Variants in LRRC4C observed in about 807,000 individuals in gnomAD.
LRRC4C encodes leucine rich repeat containing 4C.
Under a neutral mutation model 33.6 loss-of-function variants are expected in LRRC4C, and 5 were observed. That is an observed-to-expected ratio of 0.15 (90% CI 0.08 to 0.31). The LOEUF (loss-of-function observed/expected upper bound fraction) is 0.31, where lower values mean the gene tolerates loss of function less well. Among genes scored for constraint, LRRC4C ranks in the 10% least tolerant of loss-of-function variants. LRRC4C has a pLI of 1.00. For missense variants in LRRC4C, 560 were observed against 796.7 expected (o/e 0.70, Z 3.58); for synonymous variants, 329 against 302.0 (o/e 1.09, Z -0.93).
intron 1 of LRRC4C, among the ~76,000 whole-genome samples, chr11:41,178,338 T>C (rs990960801): frequency 6.6e-6 from 1 of 152,132 alleles, no homozygotes; most frequent in Admixed American, 6.5e-5. Flanking sequence ...TCCATGGGAT[T>C]TATGCCACAC....
intron 5 of LRRC4C, among the ~76,000 whole-genome samples, chr11:40,198,647 A>G (rs1201921288): frequency 6.6e-6 from 1 of 152,238 alleles, no homozygotes; most frequent in Non-Finnish European, 1.5e-5. Flanking sequence ...TATTTAGCAT[A>G]GGCACCCATC....
intron 5 of LRRC4C, among the ~76,000 whole-genome samples, chr11:40,215,187 T>C (rs1049967385): frequency 1.3e-5 from 2 of 152,218 alleles, no homozygotes. Context: ...CAAAAAATAC[T>C]TTCACAGTCT....
At chr11:40,756,686 G>A (rs1361143046) in intron 2 of LRRC4C, among the ~76,000 whole-genome samples, 2 of 151,974 alleles carry the variant, frequency 1.3e-5, no homozygotes, top group African/African-American at 4.8e-5. Context: ...TCCTCAAAAT[G>A]CAAACTGTTA....
intron 1 of LRRC4C, among the ~76,000 whole-genome samples, chr11:41,071,261 C>CCT (rs1938658471): frequency 2.6e-5 from 4 of 151,904 alleles, no homozygotes; most frequent in African/African-American, 9.7e-5. Flanking sequence ...GGGTGGGATG[C>CCT]AAGGGTAGGG....
At chr11:40,575,302 T>G (rs1958147009) in intron 3 of LRRC4C, among the ~76,000 whole-genome samples, 1 of 152,130 alleles carries the variant, frequency 6.6e-6, no homozygotes, top group Non-Finnish European at 1.5e-5. Flanking sequence ...TTTATATTCT[T>G]TCAATTTTTT....
chr11:41,403,641 C>T (rs1434646330), intron 1 of LRRC4C, among the ~76,000 whole-genome samples: 5 of 151,964 alleles, frequency 3.3e-5, no homozygotes, highest in East Asian at 1.9e-4. Flanking sequence ...TTTGGGTTGC[C>T]GACAAAAACT....
intron 2 of LRRC4C, among the ~76,000 whole-genome samples, chr11:40,683,071 G>A (rs899620881): frequency 2.0e-5 from 3 of 152,130 alleles, no homozygotes; most frequent in African/African-American, 7.2e-5. Context: ...TAACATACGA[G>A]GAGAATACAA....
chr11:40,289,293 T>C (rs1225939946), intron 4 of LRRC4C, among the ~76,000 whole-genome samples: 1 of 152,200 alleles, frequency 6.6e-6, no homozygotes, highest in African/African-American at 2.4e-5. Flanking sequence ...GGGCCTATTA[T>C]GCTTGCAGCT....
chr11:40,447,002 A>T (rs1390639045), intron 3 of LRRC4C: 1 of 153,950 alleles, frequency 6.5e-6, no homozygotes, highest in East Asian at 1.9e-4. Context: ...CCTTGTTCCA[A>T]ATAAAAAGTG....
At chr11:40,843,121 T>A (rs1952990485) in intron 2 of LRRC4C, among the ~76,000 whole-genome samples, 1 of 152,174 alleles carries the variant, frequency 6.6e-6, no homozygotes, top group South Asian at 2.1e-4. Context: ...GAGAACCACT[T>A]GCCTGGTGAC....
chr11:40,295,264 T>C (rs1413525443), intron 4 of LRRC4C, among the ~76,000 whole-genome samples: 1 of 152,204 alleles, frequency 6.6e-6, no homozygotes, highest in African/African-American at 2.4e-5. Flanking sequence ...ATGTCATTTA[T>C]GTATGTAACC....
chr11:41,047,442 T>C (rs1279651084), intron 1 of LRRC4C, among the ~76,000 whole-genome samples: 4 of 152,156 alleles, frequency 2.6e-5, no homozygotes, highest in Non-Finnish European at 5.9e-5. Flanking sequence ...AATTTGCTAG[T>C]TTTTTGGGTG....
intron 2 of LRRC4C, among the ~76,000 whole-genome samples, chr11:40,687,011 G>A (rs151279036): frequency 0.012 from 1,885 of 152,126 alleles, 45 homozygotes; most frequent in African/African-American, 0.043. Flanking sequence ...TAGCTAACCG[G>A]GCAATTGGTA....
chr11:41,196,617 T>A (rs549057529), intron 1 of LRRC4C, among the ~76,000 whole-genome samples: 7 of 152,192 alleles, frequency 4.6e-5, no homozygotes, highest in Non-Finnish European at 8.8e-5. Context: ...AATGAATGTA[T>A]ACATAAAATG....
intron 1 of LRRC4C, among the ~76,000 whole-genome samples, chr11:41,076,493 A>G (rs1939159197): frequency 6.6e-6 from 1 of 152,206 alleles, no homozygotes; most frequent in South Asian, 2.1e-4. Flanking sequence ...GAGAGAGTGA[A>G]GTGGGAGGTG....
chr11:40,736,579 G>T (rs1947878834), intron 2 of LRRC4C, among the ~76,000 whole-genome samples: 1 of 152,074 alleles, frequency 6.6e-6, no homozygotes, highest in Non-Finnish European at 1.5e-5. Context: ...GATCCTTGAG[G>T]AATCACCACA....
At chr11:41,307,110 C>G (rs1950525759) in intron 1 of LRRC4C, among the ~76,000 whole-genome samples, 1 of 152,088 alleles carries the variant, frequency 6.6e-6, no homozygotes, top group Non-Finnish European at 1.5e-5. Flanking sequence ...TCCTTGGAGG[C>G]TAGGGTGAGG....
At chr11:40,597,412 C>A (rs1273899901) in intron 3 of LRRC4C, among the ~76,000 whole-genome samples, 1 of 152,104 alleles carries the variant, frequency 6.6e-6, no homozygotes, top group Non-Finnish European at 1.5e-5. Context: ...ATTTAAGATC[C>A]ATATCCTGGG....
intron 3 of LRRC4C, among the ~76,000 whole-genome samples, chr11:40,441,956 A>C (rs1472587193): frequency 6.6e-6 from 1 of 152,050 alleles, no homozygotes; most frequent in Non-Finnish European, 1.5e-5. Flanking sequence ...AGTTCAGGAG[A>C]TCGAGACCAT....
Sources: gnomAD v4.1 joint callset for allele counts (sites outside exome capture counted in the v4.1 genomes callset) on GRCh38, gnomAD v4.1.1 for gene constraint, MANE v1.5 for transcripts, NCBI Gene and HGNC (gene_info 2026-07-23, HGNC 2026-07-21) for gene names.